DMD: variants seen among roughly 807,000 people sequenced by gnomAD.
The protein encoded by DMD is dystrophin, also known as mutant dystrophin.
A neutral mutation model predicts 330.1 loss-of-function variants in DMD; 63 were observed. The ratio of observed to expected loss-of-function variants is 0.19; its 90% CI spans 0.16 to 0.24. The LOEUF is 0.24. DMD is among the 10% of genes least tolerant of loss of function. The pLI, the probability that DMD is intolerant of heterozygous loss-of-function variation, is 1.00. For synonymous variants in DMD, 1,223 were observed against 959.8 expected, an observed-to-expected ratio of 1.27 and a Z score of -5.07; for missense variants, 3,344 against 2,684.1, an observed-to-expected ratio of 1.25 and a Z score of -5.43.
chrX:32,439,833 A>T (rs1349383315), intron 28 of DMD, among the ~76,000 whole-genome samples: 1 of 111,631 alleles, frequency 9.0e-6, no homozygotes, highest in Non-Finnish European at 1.9e-5. Context: ...TTATGACCAC[A>T]ACATAGAAAT....
rs756188567 is a variant in DMD, at chrX:32,666,242, A to C, written c.961-21090T>G. ...TCTGGGATACATGTGCAGAACGTGC[A>C]GGTTTGTTACATAAATATACATGTG... On this transcript the variant is annotated intron_variant, in intron 9 of 78. Transcript: ENST00000357033. 6.3e-5 allele frequency among the ~76,000 whole-genome samples: 7 copies of C among 110,853 alleles called. No individual in the cohort carries two copies. The South Asian group carries it at 2.7e-3, about 43-fold the overall frequency.
At chrX:31,574,964 G>A (rs773757420) in intron 55 of DMD, among the ~76,000 whole-genome samples, 4 of 111,120 alleles carry the variant, frequency 3.6e-5, no homozygotes, top group Non-Finnish European at 7.5e-5. Context: ...ATATATATTC[G>A]GTATCAAGAT....
Position 33,019,040 on chromosome X carries a change from C to T in DMD, c.93+1099G>A, listed in dbSNP as rs572449067. ...AGTTAAATTAAAGAGTACATGGCAA[C>T]ATTCTACTACCAAATACCACAAAGA... On this transcript the variant is annotated intron_variant, in intron 2 of 78. Transcript: ENST00000357033. Among the ~76,000 whole-genome samples the T allele has an allele frequency of 1.3e-4, 14 of 111,741 alleles. No individual in the cohort carries two copies. The South Asian group carries it at 5.2e-3, about 41-fold the overall frequency.
chrX:32,298,674 G>A (rs1271623769), intron 42 of DMD, among the ~76,000 whole-genome samples: 1 of 110,339 alleles, frequency 9.1e-6, no homozygotes, highest in Admixed American at 9.7e-5. Flanking sequence ...ACCCAACCCT[G>A]TAGACAATCT....
At chrX:32,152,543 C>G (rs763599617) in intron 44 of DMD, among the ~76,000 whole-genome samples, 28 of 111,288 alleles carry the variant, frequency 2.5e-4, no homozygotes, top group African/African-American at 8.8e-4. Context: ...TAATAACACT[C>G]ACACACAGAC....
chrX:31,212,726 C>T (rs1036432379), intron 64 of DMD, among the ~76,000 whole-genome samples: 8 of 111,474 alleles, frequency 7.2e-5, no homozygotes, highest in African/African-American at 2.6e-4. Flanking sequence ...TGGAGACTCA[C>T]TCTGGGTGTT....
At chrX:32,796,861 T>C (rs192109504) in intron 7 of DMD, among the ~76,000 whole-genome samples, 1 of 112,144 alleles carries the variant, frequency 8.9e-6, no homozygotes, top group African/African-American at 3.2e-5. Flanking sequence ...TCCTATTGTA[T>C]GACAATTAAA....
intron 74 of DMD, among the ~76,000 whole-genome samples, chrX:31,154,695 CT>C (rs2037895240): frequency 9.0e-6 from 1 of 111,563 alleles, no homozygotes; most frequent in Admixed American, 9.5e-5. Flanking sequence ...CATCTCACCC[CT>C]AATGATTCTC....
intron 1 of DMD, among the ~76,000 whole-genome samples, chrX:33,336,751 T>C (rs2054260684): frequency 9.0e-6 from 1 of 111,422 alleles, no homozygotes; most frequent in Non-Finnish European, 1.9e-5. Flanking sequence ...TTTTATGCAT[T>C]TCTCCTTCAT....
intron 41 of DMD, among the ~76,000 whole-genome samples, 156 bp downstream of exon 41, chrX:32,341,944 G>A: frequency 9.0e-6 from 1 of 111,151 alleles, no homozygotes; most frequent in South Asian, 3.8e-4. Context: ...TAGTGTTACA[G>A]AAGCCCAAAG....
At chrX:33,306,177 A>G (rs185404585) in intron 1 of DMD, among the ~76,000 whole-genome samples, 1 of 111,877 alleles carries the variant, frequency 8.9e-6, no homozygotes, top group African/African-American at 3.2e-5. Context: ...CTTTCTCCCT[A>G]TGCAGTTGTC....
intron 64 of DMD, among the ~76,000 whole-genome samples, chrX:31,213,362 C>A (rs1438098111): frequency 8.9e-6 from 1 of 112,325 alleles, no homozygotes; most frequent in Non-Finnish European, 1.9e-5. Flanking sequence ...CATTTTTACC[C>A]GGGCACAGTC....
intron 62 of DMD, among the ~76,000 whole-genome samples, chrX:31,287,003 G>A (rs781016295): frequency 8.9e-6 from 1 of 112,421 alleles, no homozygotes; most frequent in Non-Finnish European, 1.9e-5. Flanking sequence ...GGGATTAAGC[G>A]ATCTGCCCTC....
At chrX:32,017,226 A>G (rs2095768737) in intron 44 of DMD, among the ~76,000 whole-genome samples, 1 of 111,942 alleles carries the variant, frequency 8.9e-6, no homozygotes, top group Non-Finnish European at 1.9e-5. Flanking sequence ...TAAAGGGAAA[A>G]ATACAATTAC....
intron 44 of DMD, among the ~76,000 whole-genome samples, chrX:32,137,370 AC>A (rs1487158235): frequency 2.4e-4 from 27 of 111,455 alleles, no homozygotes; most frequent in African/African-American, 8.2e-4. Flanking sequence ...GATGGAAAAA[AC>A]TCTAATAGAA....
At chrX:31,671,003 C>G (rs1467075583) in intron 53 of DMD, among the ~76,000 whole-genome samples, 2 of 110,628 alleles carry the variant, frequency 1.8e-5, no homozygotes, top group Non-Finnish European at 3.8e-5. Context: ...AACTCTGCCT[C>G]CAGGGTTCGC....
At chrX:31,208,985 C>T (rs1001833258) in intron 65 of DMD, among the ~76,000 whole-genome samples, 1 of 111,752 alleles carries the variant, frequency 8.9e-6, no homozygotes, top group African/African-American at 3.3e-5. Context: ...CAAAAGAAAA[C>T]GAAAAATGTT....
At chrX:32,843,492 C>A (rs528328594) in intron 4 of DMD, among the ~76,000 whole-genome samples, 15 of 111,976 alleles carry the variant, frequency 1.3e-4, no homozygotes, top group African/African-American at 4.9e-4. Context: ...GTGACAATGA[C>A]CCTGAATTCA....
At chrX:32,036,492 A>G (rs765166868) in intron 44 of DMD, among the ~76,000 whole-genome samples, 6 of 111,765 alleles carry the variant, frequency 5.4e-5, no homozygotes, top group Non-Finnish European at 7.5e-5. Flanking sequence ...GCTTTATTCA[A>G]CTAAGTGGAT....
Sources: allele counts gnomAD v4.1 joint callset (sites outside exome capture counted in the v4.1 genomes callset), GRCh38; gene constraint gnomAD v4.1.1; transcripts MANE v1.5; gene names NCBI Gene and HGNC (gene_info 2026-07-23, HGNC 2026-07-21).